HLCS: variants seen among roughly 807,000 people sequenced by gnomAD.
HLCS encodes the protein holocarboxylase synthetase.
HLCS carries 53 observed loss-of-function variants against 75.0 expected under a neutral mutation model. That is an observed-to-expected ratio of 0.71 (90% CI 0.57 to 0.89). The LOEUF (loss-of-function observed/expected upper bound fraction) is 0.89, where lower values mean the gene tolerates loss of function less well. HLCS is among the 40% of genes least tolerant of loss of function. The pLI is 0.00. For synonymous variants in HLCS, 431 were observed against 428.6 expected, an observed-to-expected ratio of 1.01 and a Z score of -0.07; for missense variants, 966 against 1,074.0, an observed-to-expected ratio of 0.90 and a Z score of 1.41.
intron 1 of HLCS, among the ~76,000 whole-genome samples, chr21:36,962,849 A>G (rs1449521248): frequency 6.7e-6 from 1 of 150,268 alleles, no homozygotes; most frequent in Non-Finnish European, 1.5e-5. Flanking sequence ...ACCCACCAAC[A>G]GAAGCTCCTT....
chr21:36,932,727 GTAT>G (rs972423835), intron 4 of HLCS, among the ~76,000 whole-genome samples: 1 of 152,138 alleles, frequency 6.6e-6, no homozygotes, highest in Non-Finnish European at 1.5e-5. Flanking sequence ...TATTATAGAA[GTAT>G]TATGAAAATA....
chr21:36,756,430 G>A (rs893430655), intron 10 of HLCS, 112 bp downstream of exon 10: 153 of 710,926 alleles, frequency 2.2e-4, no homozygotes, highest in South Asian at 9.9e-4. Flanking sequence ...CAGCCTGGGC[G>A]ACAGAGTGAG....
At chr21:36,914,460 G>A (rs1406671828) in intron 5 of HLCS, among the ~76,000 whole-genome samples, 8 of 152,204 alleles carry the variant, frequency 5.3e-5, no homozygotes, top group Admixed American at 5.2e-4. Context: ...ATAAATGTCT[G>A]TTAAGCGGTC....
In HLCS at chr21:36,782,086, T is replaced by C. The variant is rs146021814; in HGVS notation, c.1893-14801A>G. Reference sequence around the variant, plus strand: ...TCTGTTAGTTAATATTTATTTAGAATTTCTGCATTGATGCTCATTAGTGAT... The same window carrying C: ...TCTGTTAGTTAATATTTATTTAGAACTTCTGCATTGATGCTCATTAGTGAT... On this transcript the variant is annotated intron_variant, in intron 6 of 10. Coordinates refer to ENST00000674895, the MANE Select transcript of HLCS (RefSeq NM_001352514.2). 2.0e-3 allele frequency among the ~76,000 whole-genome samples: 301 copies of C among 152,324 alleles called. 1 individual carries two copies. Among genetic ancestry groups the C allele is most frequent in the African/African-American group, 6.9e-3 (287 of 41,566 alleles).
intron 6 of HLCS, among the ~76,000 whole-genome samples, chr21:36,815,038 T>C (rs553164487): frequency 6.7e-6 from 1 of 150,100 alleles, no homozygotes; most frequent in Non-Finnish European, 1.5e-5. Flanking sequence ...TTTTTTTTTT[T>C]TTTTTTTTGA....
At chr21:36,869,265 C>CA (rs2063687914) in intron 6 of HLCS, among the ~76,000 whole-genome samples, 1 of 152,136 alleles carries the variant, frequency 6.6e-6, no homozygotes, top group Admixed American at 6.5e-5. Context: ...GCTGGGACTA[C>CA]AGGCGCCCGC....
intron 1 of HLCS, among the ~76,000 whole-genome samples, chr21:36,977,923 A>C (rs761651088): frequency 1.2e-4 from 18 of 152,212 alleles, no homozygotes; most frequent in Non-Finnish European, 2.1e-4. Flanking sequence ...TAGAAGGGCA[A>C]CGCGCTTTCA....
At chr21:36,856,724 A>G (rs1241152520) in intron 6 of HLCS, among the ~76,000 whole-genome samples, 3 of 152,204 alleles carry the variant, frequency 2.0e-5, no homozygotes, top group Admixed American at 6.5e-5. Context: ...CCCACCACCA[A>G]TAATCACCTA....
intron 6 of HLCS, among the ~76,000 whole-genome samples, chr21:36,835,205 GGTTT>G (rs745711396): frequency 2.0e-5 from 3 of 152,146 alleles, no homozygotes; most frequent in Non-Finnish European, 4.4e-5. Context: ...AGTCACTGAT[GGTTT>G]AGTCTTTCCT....
chr21:36,873,753 C>T (rs776896934), intron 6 of HLCS, among the ~76,000 whole-genome samples: 1 of 152,136 alleles, frequency 6.6e-6, no homozygotes, highest in Non-Finnish European at 1.5e-5. Flanking sequence ...GCATGTGCCA[C>T]CACATCCAGC....
intron 6 of HLCS, among the ~76,000 whole-genome samples, chr21:36,866,982 T>C (rs1163792210): frequency 6.6e-6 from 1 of 152,072 alleles, no homozygotes; most frequent in Admixed American, 6.6e-5. Context: ...TTATCACAAG[T>C]AAAATGCAAA....
intron 1 of HLCS, among the ~76,000 whole-genome samples, chr21:36,966,116 AGAG>A (rs1384344653): frequency 3.9e-5 from 6 of 152,132 alleles, no homozygotes; most frequent in Admixed American, 6.5e-5. Flanking sequence ...GAAGTGTGGG[AGAG>A]GAGGTTGGGG....
chr21:36,905,433 C>G (rs774432968), intron 5 of HLCS, among the ~76,000 whole-genome samples: 7 of 152,180 alleles, frequency 4.6e-5, no homozygotes, highest in Non-Finnish European at 1.0e-4. Context: ...CAACCACTAT[C>G]AGATTCCACT....
At chr21:36,935,195 G>C (rs1344286662) in intron 4 of HLCS, among the ~76,000 whole-genome samples, 2 of 152,130 alleles carry the variant, frequency 1.3e-5, no homozygotes, top group Non-Finnish European at 2.9e-5. Flanking sequence ...AGTTACTATA[G>C]TTACAATATT....
rs759396333 is a variant in HLCS, at chr21:36,937,357, T to C, written c.529A>G (p.Lys177Glu). 22 of 1,613,938 alleles carry C rather than the reference T, an allele frequency of 1.4e-5. No individual in the cohort carries two copies. The highest frequency in any genetic ancestry group is 1.7e-5 in the Non-Finnish European group (20 of 1,180,030). ...GCTTGCTTGTTTGAGACCTGATCCT[T>C]AACTTCCTTCAGAGTGGAGTCCTGC... ...HLQDSTLKEV[K>E]DQVSNKQAQI... The change falls in exon 4 of 11, where the codon AAG (lysine) becomes GAG (glutamate). Residue 177 changes from lysine (K) to glutamate (E), a missense_variant. Lys to Glu is a moderately conservative substitution (Grantham distance 56). Coordinates refer to ENST00000674895, the MANE Select transcript of HLCS (RefSeq NM_001352514.2).
At chr21:36,836,292 A>G (rs1220067828) in intron 6 of HLCS, among the ~76,000 whole-genome samples, 1 of 152,104 alleles carries the variant, frequency 6.6e-6, no homozygotes, top group African/African-American at 2.4e-5. Flanking sequence ...TTTGCTTACC[A>G]GGACAGTGAA....
At chr21:36,987,880 C>T (rs147778888) in intron 1 of HLCS, among the ~76,000 whole-genome samples, 1 of 152,174 alleles carries the variant, frequency 6.6e-6, no homozygotes, top group African/African-American at 2.4e-5. Context: ...CAGATCACTA[C>T]CAACTAAGTG....
At chr21:36,949,024 C>A (rs751231216) in intron 2 of HLCS, among the ~76,000 whole-genome samples, 12 of 152,160 alleles carry the variant, frequency 7.9e-5, no homozygotes, top group Non-Finnish European at 1.6e-4. Context: ...ACAGCCGATA[C>A]ACCGCCGAGG....
intron 2 of HLCS, among the ~76,000 whole-genome samples, chr21:36,960,039 C>T (rs550600001): frequency 1.3e-5 from 2 of 152,082 alleles, no homozygotes; most frequent in African/African-American, 4.8e-5. Flanking sequence ...CTTCCAGGTG[C>T]CACCATGTTC....
Sources: allele counts gnomAD v4.1 joint callset (sites outside exome capture counted in the v4.1 genomes callset), GRCh38; gene constraint gnomAD v4.1.1; transcripts MANE v1.5; gene names NCBI Gene and HGNC (gene_info 2026-07-23, HGNC 2026-07-21).